Variants in NBPF20 observed in about 807,000 individuals in gnomAD.
The protein encoded by NBPF20 is NBPF family member NBPF20.
NBPF20 carries 90 observed loss-of-function variants against 68.1 expected under a neutral mutation model. The observed-to-expected ratio is 1.32, with a 90% CI of 1.11 to 1.58. The LOEUF (loss-of-function observed/expected upper bound fraction) is 1.58, where lower values mean the gene tolerates loss of function less well. Among genes scored for constraint, NBPF20 ranks in the 40% most tolerant of loss-of-function variants. The pLI is 0.00. For missense variants in NBPF20, 816 were observed against 601.2 expected (o/e 1.36, Z -3.74); for synonymous variants, 290 against 228.1 (o/e 1.27, Z -2.45).
chr1:145,397,367 T>C (rs1258108499), intron 7 of NBPF20, among the ~76,000 whole-genome samples: 3 of 152,240 alleles, frequency 2.0e-5, no homozygotes, highest in African/African-American at 7.2e-5. Context: ...ATCGTTGAAC[T>C]AGTTTACAGT....
chr1:145,291,569 C>T (rs1361654902), exon 138 of NBPF20: 3 of 1,612,002 alleles, frequency 1.9e-6, no homozygotes, highest in South Asian at 1.1e-5. Flanking sequence ...CAGGTGGAGA[C>T]TTGTCACCGT....
At chr1:145,394,011 C>A (rs1434667655) in intron 8 of NBPF20, 76 bp from the exon 14 acceptor site, 1 of 821,334 alleles carries the variant, frequency 1.2e-6, no homozygotes, top group Non-Finnish European at 2.1e-6. Context: ...TCTGTCCAAT[C>A]CTAACACAGG....
Position 145,351,904 on chromosome 1 carries a change from G to A in NBPF20, c.7522+13C>T. On this transcript the variant is annotated intron_variant, in intron 62 of 137. Transcript: ENST00000369373. Reference sequence around the variant, plus strand: ...TCAGTGGATCCTTATCACCTTCATAGAAAGGTACTCACCTCCCACGTCGAG... The same window carrying A: ...TCAGTGGATCCTTATCACCTTCATAAAAAGGTACTCACCTCCCACGTCGAG... 3.5e-5 allele frequency: 2 copies of A among 57,496 alleles called. No individual in the cohort carries two copies. Among genetic ancestry groups the A allele is most frequent in the South Asian group, 2.1e-4 (2 of 9,432 alleles). 3.6% of individuals were successfully genotyped at this position (57,496 alleles called of 1,614,324 possible).
chr1:145,424,269 C>A, the NBPF20 span, among the ~76,000 whole-genome samples: 1 of 150,654 alleles, frequency 6.6e-6, no homozygotes, highest in Non-Finnish European at 1.5e-5. Flanking sequence ...ATCTACCGCG[C>A]CCGGACCACC....
upstream of NBPF20, among the ~76,000 whole-genome samples, chr1:145,409,402 G>A (rs1249022765): frequency 6.0e-5 from 9 of 149,242 alleles, no homozygotes; most frequent in East Asian, 5.8e-4. Flanking sequence ...TTTCAGTACC[G>A]ACTGAGTGGT....
At chr1:145,378,001 G>C (rs1388817634) in intron 29 of NBPF20, 42 bp downstream of exon 34, 9 of 514,786 alleles carry the variant, frequency 1.7e-5, no homozygotes, top group East Asian at 1.6e-4. Context: ...GCATCTCCAG[G>C]TGTCGACACA....
Position 145,393,940 on chromosome 1 carries a change from A to C in NBPF20, c.992-5T>G, listed in dbSNP as rs1181867215. ...TCACTTGATCCCACCGATGTCCTGC[A>C]AATAAATTCAGATGGGCCCTCTTAC... On this transcript the variant is annotated splice_region_variant and splice_polypyrimidine_tract_variant and intron_variant, in intron 8 of 137. Coordinates refer to ENST00000369373, the Ensembl canonical transcript of NBPF20. 5 of 1,338,204 alleles carry C rather than the reference A, an allele frequency of 3.7e-6. No homozygotes were observed. In the East Asian group the frequency reaches 6.9e-5, roughly 18 times the overall value. 82.9% of individuals were successfully genotyped at this position (1,338,204 alleles called of 1,614,324 possible).
chr1:145,423,975 CTTTTTTT>C, the NBPF20 span, among the ~76,000 whole-genome samples: 3 of 133,422 alleles, frequency 2.2e-5, no homozygotes, highest in Non-Finnish European at 4.8e-5. Context: ...ATTACCTGTA[CTTTTTTT>C]TTTTTTTTTT....
chr1:145,410,258 C>T (rs1443193655), upstream of NBPF20, among the ~76,000 whole-genome samples: 2 of 151,876 alleles, frequency 1.3e-5, no homozygotes, highest in East Asian at 1.9e-4. Flanking sequence ...TGATTGATCT[C>T]CCTGATGACT....
At chr1:145,400,743 C>T (rs1376001711) in intron 5 of NBPF20, 149 bp from the exon 11 acceptor site, 36 of 1,320,840 alleles carry the variant, frequency 2.7e-5, no homozygotes, top group Middle Eastern at 2.6e-4. Context: ...ACATGCAATC[C>T]TGTTCTCTCT....
chr1:145,412,450 A>G, the NBPF20 span, among the ~76,000 whole-genome samples: 1 of 151,938 alleles, frequency 6.6e-6, no homozygotes, highest in African/African-American at 2.4e-5. Flanking sequence ...GGGAGGGGAC[A>G]CAACAAATTT....
intron 8 of NBPF20, among the ~76,000 whole-genome samples, chr1:145,394,525 G>A (rs1553663266): frequency 3.9e-5 from 6 of 152,078 alleles, no homozygotes; most frequent in African/African-American, 9.7e-5. Context: ...TGAAACCTGG[G>A]TCACATCTTT....
At chr1:145,403,048 T>C (rs1662599738) in intron 3 of NBPF20, among the ~76,000 whole-genome samples, 168 bp downstream of exon 8, 3 of 152,126 alleles carry the variant, frequency 2.0e-5, no homozygotes. Flanking sequence ...CCATACATTT[T>C]TATTATCCTT....
chr1:145,394,924 G>T lies in NBPF20; in HGVS notation c.991+54C>A, dbSNP rs1312678812. 4.4e-6 allele frequency: 7 copies of T among 1,604,656 alleles called. No individual in the cohort carries two copies. The East Asian group carries it at 1.1e-4, about 26-fold the overall frequency. ...GGGGCACAAGGCCCAAAGATTATGG[G>T]GTCTACCTGGGCCATGAACTGGAGC... is the stretch of plus-strand genomic sequence containing the variant. On this transcript the variant is annotated intron_variant, in intron 8 of 137. Coordinates refer to ENST00000369373, the Ensembl canonical transcript of NBPF20.
In NBPF20 at chr1:145,312,152, T is replaced by C. The variant is rs1661502416; in HGVS notation, c.13660+56A>G. The C allele has an allele frequency of 1.0e-3, 134 of 130,744 alleles. 8 individuals are homozygous for C. Among genetic ancestry groups the C allele is most frequent in the South Asian group, 7.3e-3 (131 of 17,846 alleles). 8.1% of individuals were successfully genotyped at this position (130,744 alleles called of 1,614,324 possible). On this transcript the variant is annotated intron_variant, in intron 112 of 137. Coordinates refer to ENST00000369373, the Ensembl canonical transcript of NBPF20. ...GTAAGGGCCACTTGCAGTAGGAATA[T>C]GACCCTAACCAGAAGACTCAGTGGA...
At chr1:145,397,282 C>T (rs1662296167) in intron 7 of NBPF20, among the ~76,000 whole-genome samples, 1 of 151,788 alleles carries the variant, frequency 6.6e-6, no homozygotes, top group African/African-American at 2.4e-5. Flanking sequence ...GGGTACACAC[C>T]CAGTAATGGG....
chr1:145,404,220 C>G (rs75506642), intron 2 of NBPF20, among the ~76,000 whole-genome samples: 4 of 144,524 alleles, frequency 2.8e-5, no homozygotes, highest in African/African-American at 5.3e-5. Context: ...TCTCACCAAG[C>G]TACTCTCTGC....
exon 138 of NBPF20, chr1:145,291,678 G>C (rs372660869): frequency 2.2e-4 from 354 of 1,611,836 alleles, no homozygotes; most frequent in Non-Finnish European, 2.8e-4. Flanking sequence ...GAGTCAGGTA[G>C]TTCAAAGTAC....
exon 8 of NBPF20, chr1:145,395,102 C>T (rs1662159293): frequency 6.3e-7 from 1 of 1,598,826 alleles, no homozygotes; most frequent in East Asian, 2.2e-5. Flanking sequence ...CATCCCAGGA[C>T]TCCTGGGGGA....
Sources: allele counts gnomAD v4.1 joint callset (sites outside exome capture counted in the v4.1 genomes callset), GRCh38; gene constraint gnomAD v4.1.1; transcripts MANE v1.5; gene names NCBI Gene and HGNC (gene_info 2026-07-23, HGNC 2026-07-21).